The following PTPRD variants were observed in gnomAD, a reference collection of about 807,000 sequenced individuals.
PTPRD encodes protein tyrosine phosphatase receptor type D, also known as receptor-type tyrosine-protein phosphatase delta.
A neutral mutation model predicts 214.5 loss-of-function variants in PTPRD; 34 were observed. The ratio of observed to expected loss-of-function variants is 0.16; its 90% confidence interval spans 0.12 to 0.21. The LOEUF is 0.21. Among genes scored for constraint, PTPRD ranks in the 10% least tolerant of loss-of-function variants. The pLI is 1.00. For missense variants in PTPRD, 2,545 were observed against 2,398.7 expected (o/e 1.06, Z -1.27); for synonymous variants, 1,128 against 845.7 (o/e 1.33, Z -5.79).
At chr9:10,610,881 C>A (rs1567202095) in intron 2 of PTPRD, among the ~76,000 whole-genome samples, 1 of 152,102 alleles carries the variant, frequency 6.6e-6, no homozygotes, top group Admixed American at 6.6e-5. Flanking sequence ...AACATCTCTA[C>A]TTTTTTGTAA....
chr9:10,536,215 A>G (rs1472249512), intron 2 of PTPRD, among the ~76,000 whole-genome samples: 2 of 152,150 alleles, frequency 1.3e-5, no homozygotes, highest in Admixed American at 6.6e-5. Flanking sequence ...TGAATTATTA[A>G]AGCAATTATA....
chr9:10,262,657 G>C (rs2093773842), intron 3 of PTPRD, among the ~76,000 whole-genome samples: 1 of 152,210 alleles, frequency 6.6e-6, no homozygotes, highest in Non-Finnish European at 1.5e-5. Context: ...ATGCTGACCA[G>C]CTATATGAGC....
At chr9:8,641,995 T>C (rs1193332162) in intron 12 of PTPRD, among the ~76,000 whole-genome samples, 2 of 152,202 alleles carry the variant, frequency 1.3e-5, no homozygotes, top group African/African-American at 2.4e-5. Flanking sequence ...ACTGCCGTAC[T>C]GAGGACAAAA....
At chr9:9,908,793 G>A (rs896262528) in intron 5 of PTPRD, among the ~76,000 whole-genome samples, 1 of 151,772 alleles carries the variant, frequency 6.6e-6, no homozygotes, top group African/African-American at 2.4e-5. Context: ...ACTTATCTTT[G>A]GGAAGTTTTT....
rs969658766 is a variant in PTPRD at position 9,880,249 on chromosome 9, C to T, written c.-368+58258G>A. 2.6e-5 allele frequency among the ~76,000 whole-genome samples: 4 copies of T among 152,136 alleles called. No homozygotes were observed. The East Asian group carries it at 7.7e-4, about 29-fold the overall frequency. On this transcript the variant is annotated intron_variant, in intron 5 of 45. Transcript: ENST00000381196. ...CATGATTTTAAGTTTCCTGAGGCCT[C>T]CTCAGCCATGTGGAACTGTGAGTCA...
At chr9:8,902,402 G>A (rs190738664) in intron 11 of PTPRD, among the ~76,000 whole-genome samples, 1 of 150,460 alleles carries the variant, frequency 6.6e-6, no homozygotes, top group East Asian at 2.0e-4. Context: ...GAGTGCAGAG[G>A]TGTGATCTTG....
At chr9:8,988,865 G>A (rs1238880495) in intron 11 of PTPRD, among the ~76,000 whole-genome samples, 2 of 152,106 alleles carry the variant, frequency 1.3e-5, no homozygotes, top group African/African-American at 4.8e-5. Context: ...TTCCAGAGAA[G>A]TAATGTCAGT....
Position 8,636,709 on chromosome 9 carries a change from T to C in PTPRD, c.200A>G (p.Gln67Arg), listed in dbSNP as rs1186315313. ...CAATGGACCTAATACCTCAAATCTC[T>C]GATTGCTGACTTTCTTTCCTTTTTT... ...WNKKGKKVSNQRFEVIEFDDG... is the reference protein window; with the variant it reads ...WNKKGKKVSNRRFEVIEFDDG... The change falls in exon 13 of 46, where the codon CAG (glutamine) becomes CGG (arginine). Residue 67 changes from glutamine (Q) to arginine (R), a missense_variant. Gln to Arg is a conservative substitution (Grantham distance 43, BLOSUM62 1). Transcript: ENST00000381196. The C allele has an allele frequency of 6.2e-7, 1 of 1,614,048 alleles. No individual in the cohort carries two copies. Among genetic ancestry groups the C allele is most frequent in the South Asian group, 1.1e-5 (1 of 91,082 alleles).
intron 9 of PTPRD, among the ~76,000 whole-genome samples, chr9:9,188,564 A>G (rs1474224710): frequency 6.6e-6 from 1 of 152,078 alleles, no homozygotes; most frequent in African/African-American, 2.4e-5. Context: ...TGGTTAGTGA[A>G]AGAGGAGAGA....
At chr9:9,989,339 C>T (rs2095833275) in intron 4 of PTPRD, among the ~76,000 whole-genome samples, 1 of 152,066 alleles carries the variant, frequency 6.6e-6, no homozygotes, top group Non-Finnish European at 1.5e-5. Context: ...CCTTCTCTGC[C>T]CCCACATTCT....
intron 7 of PTPRD, among the ~76,000 whole-genome samples, chr9:9,625,870 T>C (rs1047856462): frequency 2.6e-5 from 4 of 152,062 alleles, no homozygotes; most frequent in African/African-American, 7.2e-5. Context: ...CTGGTAGACA[T>C]TGGTAGAGGT....
At position 10,357,922 on chromosome 9, in the gene PTPRD, G is replaced by A. The variant is rs1040393191; in HGVS notation, c.-599-16905C>T. Among the ~76,000 whole-genome samples, 5 of 152,052 alleles carry A rather than the reference G, an allele frequency of 3.3e-5. No homozygotes were observed. In the South Asian group the frequency reaches 6.2e-4, roughly 19 times the overall value. ...AACAGAAATCAGATGGCTATTCCAA[G>A]CTAAAGAAATATTCCAAGCTAAAGC... On this transcript the variant is annotated intron_variant, in intron 2 of 45. Coordinates refer to ENST00000381196, the MANE Select transcript of PTPRD (RefSeq NM_002839.4).
intron 4 of PTPRD, among the ~76,000 whole-genome samples, chr9:9,947,375 T>TATATATATTTTATATACATATTATATATA (rs2092769895): frequency 1.9e-5 from 1 of 52,514 alleles, no homozygotes; most frequent in Non-Finnish European, 3.2e-5. Context: ...ATATATATAT[T>TATATATATTTTATATACATATTATATATA]ATATATATTT....
chr9:10,172,283 A>G (rs940467761), intron 3 of PTPRD, among the ~76,000 whole-genome samples: 1 of 152,190 alleles, frequency 6.6e-6, no homozygotes, highest in Non-Finnish European at 1.5e-5. Flanking sequence ...TAATATATTT[A>G]TAAGCTACCT....
intron 5 of PTPRD, among the ~76,000 whole-genome samples, chr9:9,809,065 C>A (rs185516024): frequency 3.3e-5 from 5 of 151,744 alleles, no homozygotes; most frequent in South Asian, 2.1e-4. Context: ...GGATTACAGG[C>A]AGAAGCCTCC....
intron 5 of PTPRD, among the ~76,000 whole-genome samples, chr9:9,908,410 T>A (rs1469718589): frequency 6.6e-6 from 1 of 151,938 alleles, no homozygotes; most frequent in South Asian, 2.1e-4. Context: ...TGAGGACTAG[T>A]CCTTTGAAAG....
intron 3 of PTPRD, among the ~76,000 whole-genome samples, chr9:10,248,774 A>T (rs2154367845): frequency 6.6e-6 from 1 of 152,182 alleles, no homozygotes; most frequent in Middle Eastern, 3.4e-3. Context: ...TGTTTGGAAG[A>T]GTTTGGGTAG....
chr9:10,604,856 T>C (rs984325793), intron 2 of PTPRD, among the ~76,000 whole-genome samples: 2 of 151,930 alleles, frequency 1.3e-5, no homozygotes, highest in Non-Finnish European at 2.9e-5. Context: ...GCACATAATT[T>C]AGCTTTAAAA....
At chr9:8,980,078 A>G (rs1210960435) in intron 11 of PTPRD, among the ~76,000 whole-genome samples, 1 of 152,128 alleles carries the variant, frequency 6.6e-6, no homozygotes, top group African/African-American at 2.4e-5. Context: ...GCCATTTGCC[A>G]TAACTTGGAT....
Sources: allele counts gnomAD v4.1 joint callset (sites outside exome capture counted in the v4.1 genomes callset), GRCh38; gene constraint gnomAD v4.1.1; transcripts MANE v1.5; gene names NCBI Gene and HGNC (gene_info 2026-07-23, HGNC 2026-07-21).